The following KDM4C variants were observed in gnomAD, a reference collection of about 807,000 sequenced individuals.
KDM4C encodes lysine-specific demethylase 4C.
KDM4C carries 81 observed loss-of-function variants against 129.3 expected under a neutral mutation model. The ratio of observed to expected loss-of-function variants is 0.63; its 90% CI spans 0.52 to 0.75. KDM4C has a LOEUF of 0.75. KDM4C is among the 30% of genes least tolerant of loss of function. KDM4C has a pLI of 0.00. For missense variants in KDM4C, 1,457 were observed against 1,304.0 expected (o/e 1.12, Z -1.81); for synonymous variants, 573 against 456.1 (o/e 1.26, Z -3.26).
chr9:6,864,034 C>G (rs1217297684), intron 5 of KDM4C, among the ~76,000 whole-genome samples: 4 of 152,192 alleles, frequency 2.6e-5, no homozygotes, highest in Non-Finnish European at 5.9e-5. Context: ...ATCAATACCA[C>G]TATTACAGTA....
chr9:6,801,128 G>A (rs1403187754), intron 2 of KDM4C, among the ~76,000 whole-genome samples: 1 of 151,376 alleles, frequency 6.6e-6, no homozygotes, highest in Non-Finnish European at 1.5e-5. Flanking sequence ...ATCTGATGAC[G>A]CTTGACTTGA....
At chr9:7,159,878 C>T (rs117945740) in intron 19 of KDM4C, among the ~76,000 whole-genome samples, 3,773 of 152,172 alleles carry the variant, frequency 0.025, 57 homozygotes, top group Middle Eastern at 0.061. Flanking sequence ...ATGTTGGACT[C>T]GCTTGCTAGG....
At chr9:6,924,862 T>A in intron 8 of KDM4C, 1 of 984,568 alleles carries the variant, frequency 1.0e-6, no homozygotes, top group South Asian at 4.7e-5. Flanking sequence ...CACTATATAT[T>A]TTTTTCAATG....
intron 4 of KDM4C, 127 bp downstream of exon 4, chr9:6,814,872 A>G (rs1831798833): frequency 6.2e-6 from 3 of 485,112 alleles, no homozygotes; most frequent in Non-Finnish European, 7.2e-6. Flanking sequence ...AAAGGACAAC[A>G]GGAAATATTC....
chr9:6,959,527 C>G (rs889762531), intron 8 of KDM4C, among the ~76,000 whole-genome samples: 5 of 152,196 alleles, frequency 3.3e-5, no homozygotes, highest in African/African-American at 1.2e-4. Context: ...TACATATTTA[C>G]TCTGAGCAAC....
chr9:7,084,168 T>C (rs1361494721), intron 17 of KDM4C, among the ~76,000 whole-genome samples: 1 of 152,178 alleles, frequency 6.6e-6, no homozygotes, highest in East Asian at 1.9e-4. Context: ...GCTTCTAACT[T>C]AACACAGGTG....
At chr9:6,798,809 G>T (rs1828282801) in intron 2 of KDM4C, among the ~76,000 whole-genome samples, 1 of 152,146 alleles carries the variant, frequency 6.6e-6, no homozygotes. Context: ...CTTCCCCGTA[G>T]GGGCGGCCGG....
At position 6,964,144 on chromosome 9, in the gene KDM4C, G is replaced by C. The variant is rs1473776712; in HGVS notation, c.922-16781G>C. Among the ~76,000 whole-genome samples, 3 of 152,014 alleles carry C rather than the reference G, an allele frequency of 2.0e-5. 1 individual carries two copies. Among genetic ancestry groups the C allele is most frequent in the Non-Finnish European group, 4.4e-5 (3 of 68,004 alleles). ...TAGGCTACATGTGCACAACGTGCAG[G>C]TTTGTTACACATGTATACATATGCC... On this transcript the variant is annotated intron_variant, in intron 8 of 21. Coordinates refer to ENST00000381309, the MANE Select transcript of KDM4C (RefSeq NM_015061.6).
chr9:6,772,912 T>C (rs1351426331), intron 1 of KDM4C, among the ~76,000 whole-genome samples: 1 of 150,832 alleles, frequency 6.6e-6, no homozygotes, highest in Non-Finnish European at 1.5e-5. Flanking sequence ...GCCAGGCTGG[T>C]CCCGAACTCT....
At chr9:6,945,249 A>G (rs372013843) in intron 8 of KDM4C, among the ~76,000 whole-genome samples, 2 of 152,186 alleles carry the variant, frequency 1.3e-5, no homozygotes, top group African/African-American at 2.4e-5. Context: ...TAGGTAAACA[A>G]TAATATAACA....
intron 12 of KDM4C, among the ~76,000 whole-genome samples, chr9:7,007,537 T>G (rs965346566): frequency 1.3e-5 from 2 of 152,254 alleles, no homozygotes; most frequent in Non-Finnish European, 2.9e-5. Flanking sequence ...AAGCTGATTA[T>G]GAAGTTACTG....
intron 4 of KDM4C, among the ~76,000 whole-genome samples, chr9:6,816,734 G>A (rs568207421): frequency 1.3e-5 from 2 of 152,114 alleles, no homozygotes; most frequent in South Asian, 2.1e-4. Flanking sequence ...GTGTGTAGTC[G>A]TATCTTTTGG....
intron 19 of KDM4C, among the ~76,000 whole-genome samples, chr9:7,129,415 C>G (rs7022136): frequency 0.54 from 81,936 of 151,968 alleles, 22,479 homozygotes; most frequent in Middle Eastern, 0.63. Context: ...AATCCCAGAA[C>G]AGTGAATTGT....
chr9:6,980,887 C>A (rs201536859), intron 8 of KDM4C, 38 bp from the exon 9 acceptor site: 1 of 1,588,562 alleles, frequency 6.3e-7, no homozygotes, highest in Non-Finnish European at 8.6e-7. Flanking sequence ...GTATAGTTAG[C>A]GAAACGTTTA....
chr9:6,947,478 T>C (rs1478325086), intron 8 of KDM4C, among the ~76,000 whole-genome samples: 1 of 152,172 alleles, frequency 6.6e-6, no homozygotes, highest in Non-Finnish European at 1.5e-5. Flanking sequence ...TTCTTTCTTA[T>C]TGTCTTTATT....
chr9:7,151,058 C>A (rs1389983223), intron 19 of KDM4C, among the ~76,000 whole-genome samples: 1 of 152,160 alleles, frequency 6.6e-6, no homozygotes, highest in Non-Finnish European at 1.5e-5. Flanking sequence ...CACCTGTAAT[C>A]CCAGCACTTT....
chr9:6,885,777 T>G (rs1018518100), intron 6 of KDM4C, among the ~76,000 whole-genome samples: 7 of 152,210 alleles, frequency 4.6e-5, no homozygotes, highest in African/African-American at 1.7e-4. Context: ...ATGCGTTGTT[T>G]ATGAAGTGTT....
intron 8 of KDM4C, among the ~76,000 whole-genome samples, chr9:6,899,542 G>GGTGTGTGT (rs61209400): frequency 2.9e-4 from 44 of 150,154 alleles, no homozygotes; most frequent in East Asian, 7.9e-4. Context: ...TTTCCATGGG[G>GGTGTGTGT]GTGTGTGTGT....
intron 1 of KDM4C, among the ~76,000 whole-genome samples, chr9:6,776,803 C>A (rs1229970334): frequency 6.7e-6 from 1 of 150,154 alleles, no homozygotes; most frequent in Non-Finnish European, 1.5e-5. Context: ...CAGGGTTTCA[C>A]CATCTTGGCC....
Sources: allele counts gnomAD v4.1 joint callset (sites outside exome capture counted in the v4.1 genomes callset), GRCh38; gene constraint gnomAD v4.1.1; transcripts MANE v1.5; gene names NCBI Gene and HGNC (gene_info 2026-07-23, HGNC 2026-07-21).